DIAPH3: variants seen among roughly 807,000 people sequenced by gnomAD.
The protein encoded by DIAPH3 is diaphanous related formin 3, also known as protein diaphanous homolog 3.
DIAPH3 carries 117 observed loss-of-function variants against 144.3 expected under a neutral mutation model. The ratio of observed to expected loss-of-function variants is 0.81; its 90% CI spans 0.70 to 0.95. The LOEUF (loss-of-function observed/expected upper bound fraction) is 0.95, where lower values mean the gene tolerates loss of function less well. DIAPH3 is among the 40% of genes least tolerant of loss of function. The pLI is 0.00. For synonymous variants in DIAPH3, 519 were observed against 488.9 expected, an observed-to-expected ratio of 1.06 and a Z score of -0.81; for missense variants, 1,421 against 1,412.7, an observed-to-expected ratio of 1.01 and a Z score of -0.09.
At chr13:59,811,431 T>G (rs2040466075) in intron 24 of DIAPH3, among the ~76,000 whole-genome samples, 1 of 152,078 alleles carries the variant, frequency 6.6e-6, no homozygotes, top group African/African-American at 2.4e-5. Context: ...AGAAATGTCG[T>G]AAAGGTAACT....
intron 27 of DIAPH3, among the ~76,000 whole-genome samples, chr13:59,692,175 A>G (rs2033565271): frequency 7.1e-6 from 1 of 140,038 alleles, no homozygotes; most frequent in South Asian, 2.3e-4. Context: ...AGAAAAGAAT[A>G]CAAACTTTTA....
chr13:59,899,855 C>T (rs557857155), intron 20 of DIAPH3, among the ~76,000 whole-genome samples: 1 of 147,666 alleles, frequency 6.8e-6, no homozygotes, highest in African/African-American at 2.5e-5. Flanking sequence ...ATATAAGTCA[C>T]AGTTGAAATT....
intron 3 of DIAPH3, among the ~76,000 whole-genome samples, chr13:60,096,568 A>T (rs982912985): frequency 6.6e-6 from 1 of 152,192 alleles, no homozygotes; most frequent in Non-Finnish European, 1.5e-5. Flanking sequence ...TTCAGAAGAG[A>T]TTGGCACTTG....
At chr13:59,999,163 T>C (rs986208686) in intron 9 of DIAPH3, among the ~76,000 whole-genome samples, 1 of 152,132 alleles carries the variant, frequency 6.6e-6, no homozygotes, top group Non-Finnish European at 1.5e-5. Flanking sequence ...TAACCTCTAA[T>C]TTGTTTTAAT....
chr13:59,990,392 C>T (rs1038644808), intron 12 of DIAPH3, among the ~76,000 whole-genome samples: 2 of 151,748 alleles, frequency 1.3e-5, no homozygotes, highest in African/African-American at 4.8e-5. Context: ...GAAAAAAACA[C>T]CCAAAGTATA....
intron 27 of DIAPH3, among the ~76,000 whole-genome samples, chr13:59,735,932 C>T (rs1049649859): frequency 2.6e-5 from 4 of 152,130 alleles, no homozygotes; most frequent in African/African-American, 9.7e-5. Flanking sequence ...TACTGATCCT[C>T]TCTCCTACCA....
intron 4 of DIAPH3, among the ~76,000 whole-genome samples, chr13:60,081,753 A>G (rs1217119168): frequency 1.3e-5 from 2 of 152,172 alleles, no homozygotes; most frequent in East Asian, 1.9e-4. Context: ...GCTAATGAAC[A>G]TGAAAACAAG....
chr13:59,834,096 T>C (rs797012651), intron 23 of DIAPH3, among the ~76,000 whole-genome samples: 11 of 151,650 alleles, frequency 7.3e-5, no homozygotes, highest in African/African-American at 2.7e-4. Context: ...CTCATGACAA[T>C]ATATTTCAAA....
intron 21 of DIAPH3, among the ~76,000 whole-genome samples, chr13:59,871,214 C>T (rs1164417191): frequency 6.8e-6 from 1 of 147,920 alleles, no homozygotes; most frequent in African/African-American, 2.5e-5. Flanking sequence ...GGGTGGCGGG[C>T]ATTCTACACA....
At chr13:59,903,866 T>C (rs1280875188) in intron 20 of DIAPH3, among the ~76,000 whole-genome samples, 1 of 152,192 alleles carries the variant, frequency 6.6e-6, no homozygotes, top group African/African-American at 2.4e-5. Flanking sequence ...TGTGGCACTA[T>C]GTGTCAGTAG....
At chr13:59,909,338 T>C (rs1299744363) in intron 20 of DIAPH3, among the ~76,000 whole-genome samples, 5 of 146,008 alleles carry the variant, frequency 3.4e-5, no homozygotes, top group Non-Finnish European at 7.4e-5. Flanking sequence ...TTGTCCAGTA[T>C]TTTGTTTTTT....
At chr13:59,751,159 C>G (rs1006822677) in intron 27 of DIAPH3, among the ~76,000 whole-genome samples, 8 of 152,262 alleles carry the variant, frequency 5.3e-5, no homozygotes, top group African/African-American at 1.9e-4. Context: ...TCGCCCTGCT[C>G]CTGCAAAAGA....
chr13:60,007,060 T>C (rs1380713262), intron 9 of DIAPH3, among the ~76,000 whole-genome samples: 1 of 152,182 alleles, frequency 6.6e-6, no homozygotes, highest in African/African-American at 2.4e-5. Flanking sequence ...TCTCATTTTT[T>C]TTTTTTCTTG....
chr13:59,975,901 T>A (rs2050651936), intron 14 of DIAPH3, among the ~76,000 whole-genome samples: 1 of 151,890 alleles, frequency 6.6e-6, no homozygotes, highest in South Asian at 2.1e-4. Flanking sequence ...TACCGTTAAA[T>A]AATTAAAAAG....
intron 27 of DIAPH3, among the ~76,000 whole-genome samples, chr13:59,705,983 G>A (rs183414003): frequency 1.1e-3 from 172 of 151,590 alleles, no homozygotes; most frequent in African/African-American, 4.1e-3. Flanking sequence ...GTAGGACTAC[G>A]TAGACGTTTC....
chr13:59,845,826 T>C (rs2042599440), intron 22 of DIAPH3, among the ~76,000 whole-genome samples: 1 of 152,230 alleles, frequency 6.6e-6, no homozygotes, highest in Non-Finnish European at 1.5e-5. Flanking sequence ...TCTTTTTATC[T>C]GTCTTCCTCT....
Position 59,958,289 on chromosome 13 carries a change from G to A in DIAPH3, c.2074+11655C>T, listed in dbSNP as rs546659626. On this transcript the variant is annotated intron_variant, in intron 17 of 27. Transcript: ENST00000400324. ...CTGCGTAACATTTGAACTAGGAAAA[G>A]GTCTCTATTGCCAGAGTCTCTATCA... Among the ~76,000 whole-genome samples, 3 of 152,110 alleles carry A rather than the reference G, an allele frequency of 2.0e-5. No individual in the cohort carries two copies. The East Asian group carries it at 5.8e-4, about 29-fold the overall frequency.
chr13:59,918,689 A>C (rs577854209), intron 18 of DIAPH3, among the ~76,000 whole-genome samples: 1 of 152,146 alleles, frequency 6.6e-6, no homozygotes, highest in African/African-American at 2.4e-5. Context: ...CTACTCAAAA[A>C]CCCTAGACAG....
intron 25 of DIAPH3, among the ~76,000 whole-genome samples, chr13:59,806,119 T>G (rs1489588951): frequency 6.6e-6 from 1 of 152,004 alleles, no homozygotes; most frequent in East Asian, 1.9e-4. Flanking sequence ...TGTGAAGATT[T>G]CTCTCTTCCT....
Sources: allele counts gnomAD v4.1 joint callset (sites outside exome capture counted in the v4.1 genomes callset), GRCh38; gene constraint gnomAD v4.1.1; transcripts MANE v1.5; gene names NCBI Gene and HGNC (gene_info 2026-07-23, HGNC 2026-07-21).